SLC8B1: variants seen among roughly 807,000 people sequenced by gnomAD.
SLC8B1 encodes the protein solute carrier family 8 member B1.
A neutral mutation model predicts 63.4 loss-of-function variants in SLC8B1; 52 were observed. The observed-to-expected ratio is 0.82, with a 90% CI of 0.66 to 1.03. The LOEUF (loss-of-function observed/expected upper bound fraction) is 1.03. Ranked by LOEUF, SLC8B1 falls within the 50% of genes least tolerant of loss-of-function variation. SLC8B1 has a pLI of 0.00. For missense variants in SLC8B1, 657 were observed against 741.7 expected, an observed-to-expected ratio of 0.89 and a Z score of 1.33; for synonymous variants, 336 against 323.9, an observed-to-expected ratio of 1.04 and a Z score of -0.40.
At chr12:113,316,903 G>C in intron 9 of SLC8B1, 39 bp downstream of exon 9, 1 of 1,605,014 alleles carries the variant, frequency 6.2e-7, no homozygotes, top group Non-Finnish European at 8.5e-7. Context: ...GCCTTTCCCT[G>C]TTACCGCCAC....
chr12:113,329,816 T>G (rs915496816), intron 2 of SLC8B1, among the ~76,000 whole-genome samples: 35 of 152,174 alleles, frequency 2.3e-4, no homozygotes, highest in African/African-American at 7.2e-4. Flanking sequence ...CCTCTTGTGC[T>G]CTAAAGCCTC....
intron 15 of SLC8B1, among the ~76,000 whole-genome samples, chr12:113,303,258 A>G (rs539967065): frequency 1.3e-5 from 2 of 152,292 alleles, no homozygotes; most frequent in Non-Finnish European, 1.5e-5. Flanking sequence ...ACCCATAAAG[A>G]GGGACAACAA....
rs562852761 is a variant in SLC8B1, at chr12:113,331,964, T to G, written c.156+759A>C. ...CTCCATCCTCCTCTCTTAGCATTCT[T>G]CCCCTCACTTGCTCTGTTCCATCCA... On this transcript the variant is annotated intron_variant, in intron 2 of 15. Transcript: ENST00000680972. 8.5e-5 allele frequency among the ~76,000 whole-genome samples: 13 copies of G among 152,206 alleles called. No individual in the cohort carries two copies. The East Asian group carries it at 2.5e-3, about 29-fold the overall frequency.
chr12:113,332,983 G>T (rs1957077665), intron 1 of SLC8B1, 23 bp from the exon 2 acceptor site: 1 of 1,411,414 alleles, frequency 7.1e-7, no homozygotes, highest in South Asian at 1.3e-5. Flanking sequence ...AGTGAGAAAG[G>T]GGGACAACAT....
intron 14 of SLC8B1, 134 bp downstream of exon 14, chr12:113,306,361 C>T (rs1956675411): frequency 1.5e-6 from 1 of 659,370 alleles, no homozygotes; most frequent in Non-Finnish European, 2.5e-6. Flanking sequence ...AGCCTTGGAG[C>T]CTGAGGCTCA....
chr12:113,300,501 C>T (rs970828150), intron 15 of SLC8B1, among the ~76,000 whole-genome samples: 1 of 151,476 alleles, frequency 6.6e-6, no homozygotes, highest in South Asian at 2.1e-4. Flanking sequence ...AATAAAATAA[C>T]AACAACAACA....
At position 113,321,343 on chromosome 12, in the gene SLC8B1, G is replaced by A; in HGVS notation, c.162C>T (p.Arg54=). The part of the protein sequence containing the change: ...GVNQTPVVDC[R]KVCGLNVSDR... ...CAGAGACATTCAGGCCACACACCTTGCGGCACTGCAGGAAGACAGGGAGGG... is the reference window on the plus strand; with the variant it reads ...CAGAGACATTCAGGCCACACACCTTACGGCACTGCAGGAAGACAGGGAGGG... Residue 54 remains arginine, a synonymous_variant, in exon 3 of 16, where the codon CGC becomes CGT. Coordinates refer to ENST00000680972, the MANE Select transcript of SLC8B1 (RefSeq NM_001358345.2). The A allele has an allele frequency of 6.2e-7, 1 of 1,614,166 alleles. No individual in the cohort carries two copies. Among genetic ancestry groups the A allele is most frequent in the South Asian group, 1.1e-5 (1 of 91,082 alleles).
chr12:113,318,848 G>A, intron 8 of SLC8B1, 116 bp downstream of exon 8: 1 of 733,134 alleles, frequency 1.4e-6, no homozygotes, highest in Non-Finnish European at 2.3e-6. Flanking sequence ...GAAAGAGCAT[G>A]AAGAGGAGAT....
intron 2 of SLC8B1, among the ~76,000 whole-genome samples, chr12:113,322,935 G>A (rs1029745520): frequency 2.0e-5 from 3 of 152,162 alleles, no homozygotes; most frequent in Admixed American, 1.3e-4. Flanking sequence ...GGGTGACAGA[G>A]TGAGACCCTG....
Position 113,321,122 on chromosome 12 carries a change from G to C in SLC8B1, c.310-14C>G, listed in dbSNP as rs760685880. 8.7e-6 allele frequency: 14 copies of C among 1,613,826 alleles called. No individual in the cohort carries two copies. The East Asian group carries it at 3.1e-4, about 36-fold the overall frequency. On this transcript the variant is annotated splice_polypyrimidine_tract_variant and intron_variant, in intron 3 of 15. Transcript: ENST00000680972. ...CAGCCAGGAAACCTGGGTGGGGAGC[G>C]GGCGAGGAAGGGAGAGTCAAGTCCA...
Position 113,315,451 on chromosome 12 carries a change from A to G in SLC8B1, c.1019T>C (p.Leu340Pro). The G allele has an allele frequency of 1.2e-6, 2 of 1,601,080 alleles. No individual in the cohort carries two copies. The highest frequency in any genetic ancestry group is 1.8e-4 in the Middle Eastern group (1 of 5,484). The change falls in exon 11 of 16, where the codon CTC becomes CCC. Residue 340 changes from leucine (L) to proline (P), a missense_variant. Physicochemically the swap from Leu to Pro is moderately conservative, Grantham distance 98 (BLOSUM62 -3). Transcript: ENST00000680972. ...GTCCGGGTCCACGACGGGGACTGTGAGGAGCAGCAGGAACTCCACAGGCAG... is the reference window on the plus strand; with the variant it reads ...GTCCGGGTCCACGACGGGGACTGTGGGGAGCAGCAGGAACTCCACAGGCAG... ...FKLPVEFLLL[L>P]TVPVVDPDKD... is the part of the protein sequence containing the mutation.
At position 113,333,596 on chromosome 12, in the gene SLC8B1, C is replaced by T. The variant is rs905123578; in HGVS notation, c.-82-636G>A. On this transcript the variant is annotated intron_variant, in intron 1 of 15. Transcript: ENST00000680972. ...GACAGGTGAAGCCAGGCTTGTTTCC[C>T]CCCTGCATCACGCCTCCCTCATGCA... Among the ~76,000 whole-genome samples the T allele has an allele frequency of 2.6e-5, 4 of 152,296 alleles. No homozygotes were observed. In the East Asian group the frequency reaches 5.8e-4, roughly 22 times the overall value.
chr12:113,332,824 G>A lies in SLC8B1; in HGVS notation c.55C>T (p.Leu19=). 1 of 1,614,204 alleles carries A rather than the reference G, an allele frequency of 6.2e-7. No individual in the cohort carries two copies. Residue 19 remains leucine, a synonymous_variant, in exon 2 of 16, where the codon CTA becomes TTA. Coordinates refer to ENST00000680972, the MANE Select transcript of SLC8B1 (RefSeq NM_001358345.2). Reference sequence around the variant, plus strand: ...GTCCCAGACACTGTCTCCGCCATTAGCAGCACACAAAGCACACTCAGTGCC... The same window carrying A: ...GTCCCAGACACTGTCTCCGCCATTAACAGCACACAAAGCACACTCAGTGCC... ...RWALSVLCVL[L]MAETVSGTRG...
intron 15 of SLC8B1, chr12:113,302,772 A>G (rs775443769): frequency 4.4e-6 from 2 of 455,414 alleles, no homozygotes; most frequent in African/African-American, 2.0e-5. Context: ...CTCTTAACCA[A>G]TGCCTATCCT....
intron 2 of SLC8B1, among the ~76,000 whole-genome samples, chr12:113,325,196 A>G (rs1394962040): frequency 6.6e-6 from 1 of 152,058 alleles, no homozygotes; most frequent in African/African-American, 2.4e-5. Flanking sequence ...CACTATTAAT[A>G]CCCAGTTTTC....
chr12:113,332,951 C>A lies in SLC8B1; in HGVS notation c.-73G>T. ...TAGCTCAGTTCCAAACAGCTGGCGG[C>A]TCCGGTGGCCTGCAAGGTGGGAGTG... is the stretch of plus-strand genomic sequence containing the variant. On this transcript the variant is annotated 5_prime_UTR_variant, in exon 2 of 16. Transcript: ENST00000680972. 3.2e-6 allele frequency: 5 copies of A among 1,559,092 alleles called. No individual in the cohort carries two copies. Among genetic ancestry groups the A allele is most frequent in the Non-Finnish European group, 4.3e-6 (5 of 1,154,452 alleles).
intron 2 of SLC8B1, among the ~76,000 whole-genome samples, chr12:113,324,699 G>A (rs578134937): frequency 7.9e-4 from 119 of 150,932 alleles, no homozygotes; most frequent in Middle Eastern, 6.9e-3. Context: ...GAGCCACTGC[G>A]CCCAGCCCCT....
At chr12:113,304,488 T>C in intron 14 of SLC8B1, 103 bp from the exon 15 acceptor site, 4 of 1,084,948 alleles carry the variant, frequency 3.7e-6, no homozygotes, top group Non-Finnish European at 5.5e-6. Context: ...GGGATGCCAC[T>C]GCAAGAATGA....
Position 113,305,771 on chromosome 12 carries a change from A to G in SLC8B1, c.1492+724T>C, listed in dbSNP as rs1314284855. Among the ~76,000 whole-genome samples the G allele has an allele frequency of 6.6e-6, 1 of 152,156 alleles. No individual in the cohort carries two copies. The highest frequency in any genetic ancestry group is 1.5e-5 in the Non-Finnish European group (1 of 68,022). On this transcript the variant is annotated intron_variant, in intron 14 of 15. Transcript: ENST00000680972. The surrounding 1 kb of genome is among the most constrained non-coding windows in gnomAD (Gnocchi z 4.3). ...ATGGCCCCCAAAGTCTAAAATATTT[A>G]TTCTTTGGGCCAGGTGTGGTGGCTC...
Sources: allele counts gnomAD v4.1 joint callset (sites outside exome capture counted in the v4.1 genomes callset), GRCh38; gene constraint gnomAD v4.1.1; non-coding constraint Gnocchi (gnomAD v3.1); transcripts MANE v1.5; gene names NCBI Gene and HGNC (gene_info 2026-07-23, HGNC 2026-07-21).